The following ZC3H4 variants were observed in gnomAD, a reference collection of about 807,000 sequenced individuals.
ZC3H4 encodes the protein zinc finger CCCH domain-containing protein 4.
In ZC3H4, 13 loss-of-function variants were observed where a neutral mutation model predicts 108.3. The ratio of observed to expected loss-of-function variants is 0.12; its 90% CI spans 0.08 to 0.19. ZC3H4 has a LOEUF of 0.19. Among genes scored for constraint, ZC3H4 ranks in the 10% least tolerant of loss-of-function variants. The pLI is 1.00. For missense variants in ZC3H4, 1,734 were observed against 1,838.8 expected (o/e 0.94, Z 1.04); for synonymous variants, 917 against 749.6 (o/e 1.22, Z -3.65).
intron 2 of ZC3H4, among the ~76,000 whole-genome samples, chr19:47,109,780 G>A (rs529990313): frequency 2.4e-4 from 37 of 152,290 alleles, no homozygotes; most frequent in Middle Eastern, 3.4e-3. Context: ...CTTTTGGAGA[G>A]GGCCAGGGTT....
At chr19:47,071,480 A>G (rs1434021176) in intron 13 of ZC3H4, among the ~76,000 whole-genome samples, 1 of 152,120 alleles carries the variant, frequency 6.6e-6, no homozygotes, top group East Asian at 1.9e-4. Flanking sequence ...TGGGCCCACC[A>G]GCCTCTCAGC....
chr19:47,088,921 C>G (rs1303465440), intron 5 of ZC3H4, among the ~76,000 whole-genome samples: 1 of 151,756 alleles, frequency 6.6e-6, no homozygotes, highest in Non-Finnish European at 1.5e-5. Context: ...CTAGAAGAAC[C>G]AATGGGCCGG....
intron 2 of ZC3H4, among the ~76,000 whole-genome samples, chr19:47,103,985 T>C (rs1285875503): frequency 1.3e-5 from 2 of 151,418 alleles, no homozygotes; most frequent in Non-Finnish European, 2.9e-5. Flanking sequence ...AAATAAGAGA[T>C]CTGGGCCTAA....
At position 47,085,176 on chromosome 19, in the gene ZC3H4, G is replaced by A; in HGVS notation, c.987C>T (p.Gly329=). 1.9e-6 allele frequency: 3 copies of A among 1,613,970 alleles called. No homozygotes were observed. Among genetic ancestry groups the A allele is most frequent in the Non-Finnish European group, 2.5e-6 (3 of 1,179,986 alleles). The stretch of plus-strand genomic sequence containing the variant: ...CTTTCCCTCGACCTCGGGAGCCCCT[G>A]CCACGGCCTCGACTTAGCCCTGTGG... ...SRGRGLSRGR[G]RGSRGRGKGM... Residue 329 remains glycine, a synonymous_variant, in exon 8 of 15, where the codon GGC becomes GGT. Coordinates refer to ENST00000253048, the MANE Select transcript of ZC3H4 (RefSeq NM_015168.2).
Position 47,098,607 on chromosome 19 carries a change from T to G in ZC3H4, c.162-3999A>C, listed in dbSNP as rs148899366. On this transcript the variant is annotated intron_variant, in intron 2 of 14. Coordinates refer to ENST00000253048, the MANE Select transcript of ZC3H4 (RefSeq NM_015168.2). ...GGCGAAACTCCGTCTCTACTAAGAA[T>G]GCAAAAATTAGACCAGTGAAGTGGT... Among the ~76,000 whole-genome samples the G allele has an allele frequency of 5.8e-3, 882 of 151,558 alleles. 2 individuals are homozygous for G. Among genetic ancestry groups the G allele is most frequent in the Non-Finnish European group, 9.1e-3 (616 of 67,960 alleles).
chr19:47,075,102 T>C (rs574374239), intron 11 of ZC3H4, among the ~76,000 whole-genome samples: 1 of 152,054 alleles, frequency 6.6e-6, no homozygotes, highest in Non-Finnish European at 1.5e-5. Flanking sequence ...TCCTAGCCAT[T>C]AGCAATGGTA....
Position 47,066,656 on chromosome 19 carries a change from G to A in ZC3H4, c.3612C>T (p.Ala1204=), listed in dbSNP as rs147880083. 1,270 of 1,611,784 alleles carry A rather than the reference G, an allele frequency of 7.9e-4. 15 individuals carry two copies. In the Admixed American group the frequency reaches 0.019, roughly 24 times the overall value. Residue 1204 remains alanine, a synonymous_variant, in exon 15 of 15, where the codon GCC becomes GCT. Transcript: ENST00000253048. ...SALEQPETGK[A]GADGGTPTDR... ...CCGTGGGGGTGCCCCCATCAGCACCGGCCTTCCCTGTCTCTGGCTGTTCCA... is the reference window on the plus strand; with the variant it reads ...CCGTGGGGGTGCCCCCATCAGCACCAGCCTTCCCTGTCTCTGGCTGTTCCA...
At chr19:47,099,821 T>TAAAAAA (rs34876026) in intron 2 of ZC3H4, among the ~76,000 whole-genome samples, 5 of 103,156 alleles carry the variant, frequency 4.8e-5, no homozygotes, top group Non-Finnish European at 8.2e-5. Flanking sequence ...TACAAGAGTT[T>TAAAAAA]AAAAAAAAAA....
intron 1 of ZC3H4, 63 bp from the exon 2 acceptor site, chr19:47,112,652 C>T: frequency 8.8e-7 from 1 of 1,138,170 alleles, no homozygotes; most frequent in Non-Finnish European, 1.1e-6. Flanking sequence ...GGGAGGGGCA[C>T]ACTTAAGCTC....
At chr19:47,112,625 G>A (rs1483461491) in intron 1 of ZC3H4, 36 bp from the exon 2 acceptor site, 2 of 1,217,860 alleles carry the variant, frequency 1.6e-6, no homozygotes, top group Non-Finnish European at 1.0e-6. Flanking sequence ...CACGAAAAAG[G>A]ACTGCTTGGG....
At chr19:47,093,330 G>A (rs1206501986) in intron 4 of ZC3H4, among the ~76,000 whole-genome samples, 1 of 151,820 alleles carries the variant, frequency 6.6e-6, no homozygotes, top group Non-Finnish European at 1.5e-5. Flanking sequence ...AAATGAGAGC[G>A]ACAGTGGCTG....
intron 1 of ZC3H4, among the ~76,000 whole-genome samples, chr19:47,112,970 C>A (rs1411083447): frequency 6.7e-6 from 1 of 149,652 alleles, no homozygotes; most frequent in Non-Finnish European, 1.5e-5. Flanking sequence ...GGAGAGCGAG[C>A]GAGGGGGGTG....
chr19:47,082,423 T>C, intron 9 of ZC3H4, 128 bp from the exon 10 acceptor site: 1 of 714,272 alleles, frequency 1.4e-6, no homozygotes, highest in Non-Finnish European at 2.5e-6. Flanking sequence ...GAATCCCCCT[T>C]AGGAAAGGAA....
At chr19:47,086,346 C>A in intron 6 of ZC3H4, 38 bp downstream of exon 6, 1 of 1,610,802 alleles carries the variant, frequency 6.2e-7, no homozygotes, top group East Asian at 2.2e-5. Context: ...AGCCCACCAG[C>A]CTCACCCCGA....
At chr19:47,107,457 C>T (rs140585796) in intron 2 of ZC3H4, among the ~76,000 whole-genome samples, 1 of 152,238 alleles carries the variant, frequency 6.6e-6, no homozygotes, top group African/African-American at 2.4e-5. Flanking sequence ...CTCCAAAGTC[C>T]ACAGTCTTCC....
At chr19:47,081,364 A>G (rs1481676327) in intron 11 of ZC3H4, 149 bp downstream of exon 11, 5 of 648,782 alleles carry the variant, frequency 7.7e-6, no homozygotes, top group East Asian at 5.5e-5. Flanking sequence ...AAGAGGACAC[A>G]GTGCCCGTGT....
At chr19:47,070,782 A>G (rs1306603359) in intron 13 of ZC3H4, among the ~76,000 whole-genome samples, 2 of 152,090 alleles carry the variant, frequency 1.3e-5, no homozygotes, top group African/African-American at 4.8e-5. Context: ...TCGGAGGGGC[A>G]GGCACCCTAG....
rs372009256 is a variant in ZC3H4 at position 47,089,751 on chromosome 19, T to A, written c.715+216A>T. Among the ~76,000 whole-genome samples the A allele has an allele frequency of 4.7e-4, 71 of 152,236 alleles. No homozygotes were observed. The South Asian group carries it at 0.015, about 31-fold the overall frequency. ...AGTGACCTTTCGGGCACGCTGGCCT[T>A]CTCCCTGCCTCACACCAGCCTGGTA... On this transcript the variant is annotated intron_variant, in intron 5 of 14. Transcript: ENST00000253048.
chr19:47,095,999 A>G (rs2057814427), intron 2 of ZC3H4, among the ~76,000 whole-genome samples: 1 of 152,148 alleles, frequency 6.6e-6, no homozygotes, highest in South Asian at 2.1e-4. Flanking sequence ...GCTTGCCTGA[A>G]GGTTCCAGGG....
Sources: allele counts gnomAD v4.1 joint callset (sites outside exome capture counted in the v4.1 genomes callset), GRCh38; gene constraint gnomAD v4.1.1; transcripts MANE v1.5; gene names NCBI Gene and HGNC (gene_info 2026-07-23, HGNC 2026-07-21).